DEPDC1B: variants seen among roughly 807,000 people sequenced by gnomAD.
The protein encoded by DEPDC1B is DEP domain containing 1B, also known as DEP domain-containing protein 1B.
DEPDC1B carries 51 observed loss-of-function variants against 66.5 expected under a neutral mutation model. That is an observed-to-expected ratio of 0.77 (90% CI 0.61 to 0.97). The LOEUF (loss-of-function observed/expected upper bound fraction) is 0.97. DEPDC1B is among the 50% of genes least tolerant of loss of function. The pLI, the probability that DEPDC1B is intolerant of heterozygous loss-of-function variation, is 0.00. For synonymous variants in DEPDC1B, 226 were observed against 223.6 expected, an observed-to-expected ratio of 1.01 and a Z score of -0.10; for missense variants, 552 against 637.1, an observed-to-expected ratio of 0.87 and a Z score of 1.44.
intron 2 of DEPDC1B, among the ~76,000 whole-genome samples, chr5:60,678,397 T>C (rs1306655764): frequency 6.6e-6 from 1 of 152,224 alleles, no homozygotes; most frequent in Non-Finnish European, 1.5e-5. Context: ...TGTGTAAACA[T>C]TGTTTTTGTC....
intron 2 of DEPDC1B, among the ~76,000 whole-genome samples, chr5:60,666,151 G>A (rs1267156121): frequency 2.0e-5 from 3 of 152,336 alleles, no homozygotes; most frequent in East Asian, 1.9e-4. Flanking sequence ...GAGGGTGTTG[G>A]CTGTGCTTCT....
intron 6 of DEPDC1B, among the ~76,000 whole-genome samples, chr5:60,640,498 T>A (rs191683318): frequency 1.1e-3 from 162 of 152,278 alleles, no homozygotes; most frequent in African/African-American, 1.9e-3. Flanking sequence ...TATTTAAAAA[T>A]TTTTTTTATA....
At chr5:60,632,911 T>C (rs1229400537) in intron 7 of DEPDC1B, among the ~76,000 whole-genome samples, 2 of 152,210 alleles carry the variant, frequency 1.3e-5, no homozygotes, top group Non-Finnish European at 2.9e-5. Flanking sequence ...GAAATGTCTG[T>C]CCCTGTCCTT....
In DEPDC1B at chr5:60,646,558, T is replaced by C. The variant is rs145670176; in HGVS notation, c.450+840A>G. ...ATCTATGGATTCAACCAACCACAGA[T>C]TGAAAATATTCAGAGGAAAAAAATG... is the stretch of plus-strand genomic sequence containing the variant. On this transcript the variant is annotated intron_variant, in intron 3 of 10. Transcript: ENST00000265036. 9.2e-5 allele frequency among the ~76,000 whole-genome samples: 14 copies of C among 152,332 alleles called. No individual in the cohort carries two copies. The East Asian group carries it at 1.2e-3, about 13-fold the overall frequency.
chr5:60,690,815 C>T (rs914599512), intron 1 of DEPDC1B, among the ~76,000 whole-genome samples: 1 of 151,184 alleles, frequency 6.6e-6, no homozygotes, highest in African/African-American at 2.4e-5. Context: ...GACTTTTCTT[C>T]CAGATTTCTC....
intron 2 of DEPDC1B, among the ~76,000 whole-genome samples, chr5:60,664,602 A>C (rs563968217): frequency 6.6e-6 from 1 of 152,322 alleles, no homozygotes; most frequent in Admixed American, 6.5e-5. Context: ...GACCTTCTAG[A>C]GGTTCCCTTG....
chr5:60,654,223 C>G (rs914518359), intron 2 of DEPDC1B, among the ~76,000 whole-genome samples: 1 of 149,046 alleles, frequency 6.7e-6, no homozygotes, highest in Non-Finnish European at 1.5e-5. Flanking sequence ...AATGTTAATT[C>G]TACCCATCCC....
At chr5:60,685,704 T>C (rs1754396847) in intron 2 of DEPDC1B, among the ~76,000 whole-genome samples, 1 of 152,196 alleles carries the variant, frequency 6.6e-6, no homozygotes, top group Admixed American at 6.5e-5. Flanking sequence ...AGAAGTGTTC[T>C]AGCTAAATCT....
chr5:60,638,789 G>T lies in DEPDC1B; in HGVS notation c.859C>A (p.Leu287Ile). ...AAAGCATCAAAAAGATGAAATGTAA[G>T]TAGAGGCTCTTTCAAGTGACCATAG... ...DYYGHLKEPL[L>I]TFHLFDAFVS... Residue 287 changes from leucine (L) to isoleucine (I), a missense_variant, in exon 7 of 11, where the codon CTT becomes ATT. Coordinates refer to ENST00000265036, the MANE Select transcript of DEPDC1B (RefSeq NM_018369.3). The T allele has an allele frequency of 6.2e-7, 1 of 1,612,020 alleles. No individual in the cohort carries two copies. The highest frequency in any genetic ancestry group is 1.1e-5 in the South Asian group (1 of 90,670).
At position 60,687,176 on chromosome 5, in the gene DEPDC1B, G is replaced by A. The variant is rs531674599; in HGVS notation, c.100C>T (p.Arg34Cys). The change falls in exon 2 of 11, where the codon CGC becomes TGC. Residue 34 changes from arginine (R) to cysteine (C), a missense_variant. Physicochemically the swap from Arg to Cys is radical, Grantham distance 180. Transcript: ENST00000265036. ...TGCTCATAGCTCTTGAAACGACAGC[G>A]ATGTTTCCGTAACGGCATCTTAGCA... is the stretch of plus-strand genomic sequence containing the variant. ...FRAKMPLRKH[R>C]CRFKSYEHCF... 3.7e-6 allele frequency: 6 copies of A among 1,613,930 alleles called. No homozygotes were observed. Among genetic ancestry groups the A allele is most frequent in the East Asian group, 2.2e-5 (1 of 44,874 alleles).
At chr5:60,659,907 G>A (rs965324223) in intron 2 of DEPDC1B, among the ~76,000 whole-genome samples, 3 of 152,036 alleles carry the variant, frequency 2.0e-5, no homozygotes, top group African/African-American at 7.2e-5. Context: ...CTCCAATTTA[G>A]GTATACAGCT....
At chr5:60,634,457 G>A (rs1193382293) in intron 7 of DEPDC1B, among the ~76,000 whole-genome samples, 2 of 152,108 alleles carry the variant, frequency 1.3e-5, no homozygotes, top group Non-Finnish European at 1.5e-5. Context: ...CGGATCACGA[G>A]ATTAGGAGAT....
chr5:60,629,730 T>C (rs192966725), intron 7 of DEPDC1B, among the ~76,000 whole-genome samples: 3 of 152,328 alleles, frequency 2.0e-5, no homozygotes, highest in East Asian at 3.9e-4. Flanking sequence ...TTGTTGTTTT[T>C]CCTACTTAGT....
At chr5:60,653,526 G>A (rs1753504189) in intron 2 of DEPDC1B, among the ~76,000 whole-genome samples, 1 of 152,136 alleles carries the variant, frequency 6.6e-6, no homozygotes. Flanking sequence ...CGTACTTTGT[G>A]AACATTTTTC....
At chr5:60,621,578 A>T (rs1459011607) in intron 7 of DEPDC1B, among the ~76,000 whole-genome samples, 1 of 151,798 alleles carries the variant, frequency 6.6e-6, no homozygotes, top group Admixed American at 6.6e-5. Context: ...AGACACACCT[A>T]ATGTAAATGT....
intron 7 of DEPDC1B, among the ~76,000 whole-genome samples, chr5:60,614,785 G>A (rs1200449071): frequency 6.6e-6 from 1 of 152,090 alleles, no homozygotes; most frequent in Admixed American, 6.6e-5. Flanking sequence ...GAGGTCAGGA[G>A]TTCGAGACCA....
At chr5:60,677,295 G>GACACACACACACACACACAC (rs770270774) in intron 2 of DEPDC1B, among the ~76,000 whole-genome samples, 2 of 113,704 alleles carry the variant, frequency 1.8e-5, no homozygotes, top group African/African-American at 7.3e-5. Context: ...TTTTCATACA[G>GACACACACACACACACACAC]ACACACACAC....
Position 60,605,882 on chromosome 5 carries a change from T to C in DEPDC1B, c.899-26A>G. 8 of 1,589,654 alleles carry C rather than the reference T, an allele frequency of 5.0e-6. 1 individual carries two copies. In the East Asian group the frequency reaches 6.7e-5, roughly 13 times the overall value. The stretch of plus-strand genomic sequence containing the variant: ...CTGATTTAGAAAAAAAAAAATGTTA[T>C]CTTTCAACACCTATAGCCTAGTAGA... On this transcript the variant is annotated intron_variant, in intron 7 of 10. Coordinates refer to ENST00000265036, the MANE Select transcript of DEPDC1B (RefSeq NM_018369.3).
At chr5:60,686,102 C>A (rs988127459) in intron 2 of DEPDC1B, among the ~76,000 whole-genome samples, 1 of 152,218 alleles carries the variant, frequency 6.6e-6, no homozygotes, top group Non-Finnish European at 1.5e-5. Flanking sequence ...AGAAATGGTT[C>A]AGGTATGAAA....
Sources: gnomAD v4.1 joint callset for allele counts (sites outside exome capture counted in the v4.1 genomes callset) on GRCh38, gnomAD v4.1.1 for gene constraint, MANE v1.5 for transcripts, NCBI Gene and HGNC (gene_info 2026-07-23, HGNC 2026-07-21) for gene names.